KNTC1: variants seen among roughly 807,000 people sequenced by gnomAD.
KNTC1 encodes the protein kinetochore-associated protein 1.
A neutral mutation model predicts 314.4 loss-of-function variants in KNTC1; 253 were observed. The observed-to-expected ratio is 0.80, with a 90% CI of 0.73 to 0.89. The LOEUF (loss-of-function observed/expected upper bound fraction) is 0.89. Among genes scored for constraint, KNTC1 ranks in the 40% least tolerant of loss-of-function variants. The probability of loss-of-function intolerance (pLI) is 0.00; values close to 1 mark genes in which losing one functional copy is unlikely to be tolerated. For synonymous variants in KNTC1, 901 were observed against 901.4 expected (o/e 1.00, Z 0.01); for missense variants, 2,475 against 2,572.9 (o/e 0.96, Z 0.82).
Position 122,604,924 on chromosome 12 carries a change from C to A in KNTC1, c.5223C>A (p.Ile1741=). The change falls in exon 50 of 64, where the codon ATC becomes ATA. Residue 1741 remains isoleucine, a synonymous_variant. Coordinates refer to ENST00000333479, the MANE Select transcript of KNTC1 (RefSeq NM_014708.6). ...AGGCTTTGTTGAAGAAGCTTCATAT[C>A]CAGTACCGGCGATCGGGCACAGAAG... The part of the protein sequence containing the change: ...KAEALLKKLH[I]QYRRSGTEAV... The A allele has an allele frequency of 1.9e-6, 3 of 1,610,230 alleles. No individual in the cohort carries two copies. Among genetic ancestry groups the A allele is most frequent in the Non-Finnish European group, 1.7e-6 (2 of 1,178,184 alleles).
chr12:122,568,337 C>G lies in KNTC1; in HGVS notation c.1681C>G (p.Leu561Val). 1 of 1,600,158 alleles carries G rather than the reference C, an allele frequency of 6.2e-7. No individual in the cohort carries two copies. ...DIFLQLKEGN[L>V]VCAQYLWLRH... is the part of the protein sequence containing the mutation. ...TTTTTTACAGCTAAAAGAAGGAAAC[C>G]TTGTTTGTGCACAGTATCTTTGGCT... The change falls in exon 21 of 64, where the codon CTT (leucine) becomes GTT (valine). Residue 561 changes from leucine (L) to valine (V), a missense_variant. By Grantham distance (32) the Leu-to-Val change is conservative. Transcript: ENST00000333479.
rs540147585 is a variant in KNTC1 at position 122,548,275 on chromosome 12, C to T, written c.987+306C>T. Among the ~76,000 whole-genome samples, 9 of 152,236 alleles carry T rather than the reference C, an allele frequency of 5.9e-5. No individual in the cohort carries two copies. In the South Asian group the frequency reaches 1.9e-3, roughly 32 times the overall value. On this transcript the variant is annotated intron_variant, in intron 12 of 63. Transcript: ENST00000333479. ...CTGGGCTGTAGTGCTATGGCACAATCTCGGCTCACTGCAACCCCCCACCCC... is the reference window on the plus strand; with the variant it reads ...CTGGGCTGTAGTGCTATGGCACAATTTCGGCTCACTGCAACCCCCCACCCC...
chr12:122,615,357 T>C, intron 56 of KNTC1, 113 bp from the exon 57 acceptor site: 1 of 921,944 alleles, frequency 1.1e-6, no homozygotes, highest in African/African-American at 1.7e-5. Flanking sequence ...GCAGTTATCA[T>C]GGAAGATAAC....
intron 10 of KNTC1, 56 bp downstream of exon 10, chr12:122,546,730 T>C: frequency 1.7e-6 from 2 of 1,185,662 alleles, no homozygotes; most frequent in South Asian, 1.4e-5. Context: ...ACAACAAAAA[T>C]GTCAGACTTA....
chr12:122,597,673 C>G, intron 43 of KNTC1, 58 bp from the exon 44 acceptor site: 1 of 1,408,896 alleles, frequency 7.1e-7, no homozygotes, highest in Non-Finnish European at 1.0e-6. Flanking sequence ...TTGTCAGATA[C>G]TTTGCATGGA....
At chr12:122,599,794 C>T (rs887448103) in intron 44 of KNTC1, among the ~76,000 whole-genome samples, 2 of 152,140 alleles carry the variant, frequency 1.3e-5, no homozygotes, top group African/African-American at 4.8e-5. Flanking sequence ...TTTCACGCGA[C>T]TTTTGTTGGC....
intron 30 of KNTC1, 73 bp downstream of exon 30, chr12:122,577,102 G>T: frequency 8.2e-7 from 1 of 1,220,810 alleles, no homozygotes; most frequent in South Asian, 1.7e-5. Context: ...TTTTGAGACA[G>T]GGTCTCGCTC....
chr12:122,555,423 A>G (rs1214382176), intron 16 of KNTC1, among the ~76,000 whole-genome samples: 1 of 152,124 alleles, frequency 6.6e-6, no homozygotes, highest in Non-Finnish European at 1.5e-5. Flanking sequence ...ATGGCAGTGG[A>G]TGCCTGTTGT....
chr12:122,546,624 G>A lies in KNTC1; in HGVS notation c.766G>A (p.Ala256Thr). ...ACATCTTATTTTCTCTTTTGTAGGT[G>A]CAAAGAAGTTCCAGCTGATAGACAA... Reference protein sequence around the residue: ...NLIDAEIIKGAKKFQLIDNLL... With the variant: ...NLIDAEIIKGTKKFQLIDNLL... The change falls in exon 10 of 64, where the codon GCA becomes ACA. Residue 256 changes from alanine (A) to threonine (T), a missense_variant and splice_region_variant. By Grantham distance (58) the Ala-to-Thr change is moderately conservative (BLOSUM62 0). Transcript: ENST00000333479. 6.4e-7 allele frequency: 1 copy of A among 1,574,506 alleles called. No individual in the cohort carries two copies.
At chr12:122,534,594 T>A in intron 2 of KNTC1, 70 bp from the exon 3 acceptor site, 1 of 1,396,290 alleles carries the variant, frequency 7.2e-7, no homozygotes, top group Non-Finnish European at 9.9e-7. Flanking sequence ...AATTTGATGA[T>A]ACTATTGATA....
At chr12:122,621,110 A>C (rs922799136) in intron 60 of KNTC1, among the ~76,000 whole-genome samples, 5 of 152,216 alleles carry the variant, frequency 3.3e-5, no homozygotes, top group African/African-American at 1.2e-4. Flanking sequence ...CAGCAGACTT[A>C]GCAATTGAAT....
chr12:122,563,147 C>T (rs1964095170), intron 20 of KNTC1, among the ~76,000 whole-genome samples: 1 of 151,872 alleles, frequency 6.6e-6, no homozygotes, highest in African/African-American at 2.4e-5. Context: ...TTTTCAGCAA[C>T]AAAAACGGGC....
intron 57 of KNTC1, 52 bp from the exon 58 acceptor site, chr12:122,618,291 A>G (rs774275329): frequency 3.3e-6 from 5 of 1,535,370 alleles, no homozygotes; most frequent in Non-Finnish European, 4.5e-6. Flanking sequence ...AATTAAAGAG[A>G]GTTTGTAATA....
rs1177049362 is a variant in KNTC1 at position 122,546,179 on chromosome 12, A to G, written c.673A>G (p.Thr225Ala). ...ASEVPVIIGG[T>A]GNCAFSKWEP... ...AGTACTGTGTTCATTTTTCCAGGGA[A>G]CCGGTAATTGTGCATTCTCAAAATG... Residue 225 changes from threonine (T) to alanine (A), a missense_variant, in exon 9 of 64, where the codon ACC becomes GCC. Coordinates refer to ENST00000333479, the MANE Select transcript of KNTC1 (RefSeq NM_014708.6). The G allele has an allele frequency of 6.4e-5, 102 of 1,597,136 alleles. No individual in the cohort carries two copies. Among genetic ancestry groups the G allele is most frequent in the Non-Finnish European group, 8.6e-5 (100 of 1,164,992 alleles).
At chr12:122,603,270 G>GT in intron 48 of KNTC1, 27 bp downstream of exon 48, 2 of 1,229,432 alleles carry the variant, frequency 1.6e-6, no homozygotes, top group South Asian at 1.5e-5. Context: ...TAAAATTGTA[G>GT]TTAAAAAAAA....
rs1872377471 is a variant in KNTC1, at chr12:122,604,636, AG to A, written c.5175+1del. The A allele has an allele frequency of 6.3e-7, 1 of 1,588,848 alleles. No homozygotes were observed. Among genetic ancestry groups the A allele is most frequent in the Non-Finnish European group, 8.6e-7 (1 of 1,157,686 alleles). On this transcript the variant is annotated frameshift_variant and splice_region_variant, in exon 49 of 64. Coordinates refer to ENST00000333479, the MANE Select transcript of KNTC1 (RefSeq NM_014708.6). LOFTEE classifies it high-confidence loss of function. ...AGATGGCTACAGAATATCCCATCGCAGGTGTGTCTGAACTATCAGATTGGCG... is the reference window on the plus strand; with the variant it reads ...AGATGGCTACAGAATATCCCATCGCAGTGTGTCTGAACTATCAGATTGGCG... Reference protein sequence around the residue: ...AERWLQNIPSQDEKREKAEAL... With the variant: ...AERWLQNIPSXDEKREKAEAL...
At chr12:122,616,598 T>C (rs1309056457) in intron 57 of KNTC1, among the ~76,000 whole-genome samples, 2 of 152,230 alleles carry the variant, frequency 1.3e-5, no homozygotes, top group East Asian at 3.8e-4. Context: ...GCTATGTGTG[T>C]GCATATCTAC....
At chr12:122,596,972 C>T (rs1871138791) in intron 43 of KNTC1, among the ~76,000 whole-genome samples, 1 of 151,956 alleles carries the variant, frequency 6.6e-6, no homozygotes, top group Non-Finnish European at 1.5e-5. Context: ...TCTTCCTTTT[C>T]TACTTCTTTA....
chr12:122,569,137 T>A (rs895800745), intron 21 of KNTC1, among the ~76,000 whole-genome samples: 2 of 152,206 alleles, frequency 1.3e-5, no homozygotes, highest in Non-Finnish European at 2.9e-5. Flanking sequence ...CCTACACTTA[T>A]ACCACTGAAC....
Sources: allele counts gnomAD v4.1 joint callset (sites outside exome capture counted in the v4.1 genomes callset), GRCh38; gene constraint gnomAD v4.1.1; transcripts MANE v1.5; gene names NCBI Gene and HGNC (gene_info 2026-07-23, HGNC 2026-07-21).